Variants in CEP85L observed in about 807,000 individuals in gnomAD.
The protein encoded by CEP85L is centrosomal protein of 85 kDa-like.
In CEP85L, 60 loss-of-function variants were observed where a neutral mutation model predicts 100.3. That is an observed-to-expected ratio of 0.60 (90% CI 0.49 to 0.74). The LOEUF (loss-of-function observed/expected upper bound fraction) is 0.74, where lower values mean the gene tolerates loss of function less well. CEP85L is among the 30% of genes least tolerant of loss of function. CEP85L has a pLI of 0.00. For synonymous variants in CEP85L, 319 were observed against 322.7 expected (o/e 0.99, Z 0.12); for missense variants, 973 against 936.2 (o/e 1.04, Z -0.51).
chr6:118,679,006 G>T (rs1264019656), intron 1 of CEP85L, among the ~76,000 whole-genome samples: 1 of 152,156 alleles, frequency 6.6e-6, no homozygotes, highest in African/African-American at 2.4e-5. Flanking sequence ...CAAACTACTT[G>T]AGGTTTCCTG....
intron 3 of CEP85L, among the ~76,000 whole-genome samples, chr6:118,535,022 T>C (rs1019894593): frequency 6.6e-6 from 1 of 152,040 alleles, no homozygotes; most frequent in African/African-American, 2.4e-5. Flanking sequence ...GTACAGACTG[T>C]TTTCTCTAAA....
chr6:118,571,798 A>G (rs1779903808), intron 2 of CEP85L, among the ~76,000 whole-genome samples: 2 of 152,194 alleles, frequency 1.3e-5, no homozygotes, highest in African/African-American at 4.8e-5. Context: ...AAAATATTAT[A>G]ACAAATATTT....
At chr6:118,595,774 T>A (rs1346774154) in intron 2 of CEP85L, among the ~76,000 whole-genome samples, 1 of 152,192 alleles carries the variant, frequency 6.6e-6, no homozygotes, top group Non-Finnish European at 1.5e-5. Context: ...CAATAATCAG[T>A]CTTTTAAGAA....
chr6:118,600,768 A>G (rs1781742989), intron 2 of CEP85L, among the ~76,000 whole-genome samples: 1 of 149,072 alleles, frequency 6.7e-6, no homozygotes, highest in Admixed American at 6.7e-5. Context: ...GAATTTTGTC[A>G]TTTTCTCCCT....
chr6:118,649,905 C>T (rs1562339015), intron 1 of CEP85L, among the ~76,000 whole-genome samples: 1 of 152,138 alleles, frequency 6.6e-6, no homozygotes, highest in African/African-American at 2.4e-5. Flanking sequence ...TTAAAATGTA[C>T]ATATGTCTTT....
At chr6:118,528,839 T>C (rs1170061424) in intron 3 of CEP85L, among the ~76,000 whole-genome samples, 1 of 152,154 alleles carries the variant, frequency 6.6e-6, no homozygotes, top group Non-Finnish European at 1.5e-5. Context: ...AAAATCATAT[T>C]GTGAAGTCTC....
At chr6:118,515,913 A>T (rs541286111) in intron 4 of CEP85L, among the ~76,000 whole-genome samples, 2 of 151,918 alleles carry the variant, frequency 1.3e-5, no homozygotes, top group Non-Finnish European at 2.9e-5. Flanking sequence ...CCCCACCCCC[A>T]GATAGGCCCT....
At chr6:118,645,820 G>T (rs1323468766) in intron 1 of CEP85L, among the ~76,000 whole-genome samples, 8 of 152,188 alleles carry the variant, frequency 5.3e-5, no homozygotes, top group African/African-American at 1.9e-4. Flanking sequence ...CATATTTATT[G>T]AAAGAATAAT....
chr6:118,473,943 A>C (rs1773159482), intron 10 of CEP85L, among the ~76,000 whole-genome samples: 1 of 152,112 alleles, frequency 6.6e-6, no homozygotes, highest in Non-Finnish European at 1.5e-5. Flanking sequence ...AAATAAAAAA[A>C]AGAGCCTTTT....
At chr6:118,541,312 T>C (rs892873606) in intron 3 of CEP85L, among the ~76,000 whole-genome samples, 1 of 152,164 alleles carries the variant, frequency 6.6e-6, no homozygotes, top group African/African-American at 2.4e-5. Flanking sequence ...AGCTTTTAAT[T>C]TGGAGATGAG....
Position 118,683,975 on chromosome 6 carries a change from G to T in CEP85L, c.-28+26061C>A, listed in dbSNP as rs144463860. On this transcript the variant is annotated intron_variant, in intron 1 of 13. Coordinates refer to the CEP85L transcript ENST00000368488. Reference sequence around the variant, plus strand: ...TGACTTTTCTTTCAAAAAACTATGTGGAAAATTAATGTGTAACTTTTCAAT... The same window carrying T: ...TGACTTTTCTTTCAAAAAACTATGTTGAAAATTAATGTGTAACTTTTCAAT... 1.3e-5 allele frequency among the ~76,000 whole-genome samples: 2 copies of T among 152,162 alleles called. 1 individual carries two copies. Among genetic ancestry groups the T allele is most frequent in the Non-Finnish European group, 2.9e-5 (2 of 67,998 alleles).
At chr6:118,632,656 GC>G in intron 1 of CEP85L, 45 bp from the exon 2 acceptor site, 1 of 1,519,286 alleles carries the variant, frequency 6.6e-7, no homozygotes, top group South Asian at 1.3e-5. Flanking sequence ...ATCTGAGTAG[GC>G]AGAAGATTTT....
At chr6:118,469,898 T>C (rs1302882981) in intron 11 of CEP85L, among the ~76,000 whole-genome samples, 1 of 152,162 alleles carries the variant, frequency 6.6e-6, no homozygotes, top group East Asian at 1.9e-4. Context: ...TGAGCCACCA[T>C]ACCCAGCCTG....
chr6:118,500,575 T>C (rs1387014800), intron 5 of CEP85L, among the ~76,000 whole-genome samples: 2 of 152,222 alleles, frequency 1.3e-5, no homozygotes, highest in African/African-American at 4.8e-5. Flanking sequence ...TTCAGAGGGC[T>C]GAAAAAGCTC....
At position 118,566,223 on chromosome 6, in the gene CEP85L, G is replaced by C; in HGVS notation, c.326C>G (p.Ala109Gly). The C allele has an allele frequency of 6.2e-7, 1 of 1,614,110 alleles. No individual in the cohort carries two copies. Among genetic ancestry groups the C allele is most frequent in the Non-Finnish European group, 8.5e-7 (1 of 1,179,990 alleles). The change falls in exon 3 of 13, where the codon GCT (alanine) becomes GGT (glycine). Residue 109 changes from alanine to glycine, a missense_variant. Ala to Gly is a moderately conservative substitution (Grantham distance 60). Transcript: ENST00000368491. ...TAHVMPSNSS[A>G]SISKLRESLT... ...TGATTCCCTAAGTTTGGAAATTGAA[G>C]CGCTGGAATTAGACGGCATCACATG... is the stretch of plus-strand genomic sequence containing the variant.
At chr6:118,499,615 G>A (rs1235818673) in intron 5 of CEP85L, among the ~76,000 whole-genome samples, 1 of 151,876 alleles carries the variant, frequency 6.6e-6, no homozygotes, top group African/African-American at 2.4e-5. Flanking sequence ...AGTGAGCCCA[G>A]ATCGCATCAC....
At position 118,583,548 on chromosome 6, in the gene CEP85L, T is replaced by C. The variant is rs552875249; in HGVS notation, c.233-17232A>G. ...CTTTACAGCCCCAGGACAAACTCTA[T>C]CTCCCCCTGATGGAAGCTAACATTA... On this transcript the variant is annotated intron_variant, in intron 2 of 12. Coordinates refer to ENST00000368491, the MANE Select transcript of CEP85L (RefSeq NM_001042475.3). 9.9e-5 allele frequency among the ~76,000 whole-genome samples: 15 copies of C among 152,162 alleles called. No homozygotes were observed. The East Asian group carries it at 2.7e-3, about 27-fold the overall frequency.
At chr6:118,480,048 A>G (rs1406642621) in intron 9 of CEP85L, 127 bp from the exon 10 acceptor site, 2 of 602,768 alleles carry the variant, frequency 3.3e-6, no homozygotes, top group Non-Finnish European at 5.7e-6. Flanking sequence ...TAAAAAACTG[A>G]AAGTATCCTT....
chr6:118,578,752 C>T (rs1268683740), intron 2 of CEP85L, among the ~76,000 whole-genome samples: 3 of 152,128 alleles, frequency 2.0e-5, no homozygotes, highest in Admixed American at 2.0e-4. Context: ...AATAAAAATC[C>T]TCTCTTTTGT....
Sources: gnomAD v4.1 joint callset for allele counts (sites outside exome capture counted in the v4.1 genomes callset) on GRCh38, gnomAD v4.1.1 for gene constraint, MANE v1.5 for transcripts, NCBI Gene and HGNC (gene_info 2026-07-23, HGNC 2026-07-21) for gene names.